AGTPBP1: variants seen among roughly 807,000 people sequenced by gnomAD.
AGTPBP1 encodes cytosolic carboxypeptidase 1.
A neutral mutation model predicts 143.9 loss-of-function variants in AGTPBP1; 70 were observed. The observed-to-expected ratio is 0.49, with a 90% CI of 0.40 to 0.59. The LOEUF is 0.59. Ranked by LOEUF, AGTPBP1 falls within the 20% of genes least tolerant of loss-of-function variation. The probability of loss-of-function intolerance (pLI) is 0.00; values close to 1 mark genes in which losing one functional copy is unlikely to be tolerated. For synonymous variants in AGTPBP1, 463 were observed against 500.2 expected (o/e 0.93, Z 0.99); for missense variants, 1,229 against 1,464.5 (o/e 0.84, Z 2.62).
chr9:85,618,923 T>C, intron 17 of AGTPBP1, 60 bp downstream of exon 17: 1 of 1,493,262 alleles, frequency 6.7e-7, no homozygotes, highest in Non-Finnish European at 8.9e-7. Context: ...TTAAAAAAAC[T>C]TCTTTTCCAC....
intron 25 of AGTPBP1, among the ~76,000 whole-genome samples, chr9:85,567,880 G>A (rs1178522619): frequency 6.6e-6 from 1 of 152,188 alleles, no homozygotes; most frequent in Non-Finnish European, 1.5e-5. Flanking sequence ...AAGAGAAAGT[G>A]GTTGAGAACT....
At chr9:85,726,582 C>T (rs540740948) in intron 1 of AGTPBP1, among the ~76,000 whole-genome samples, 7 of 152,334 alleles carry the variant, frequency 4.6e-5, no homozygotes, top group South Asian at 4.1e-4. Context: ...AAACAAGTCC[C>T]TCTTTACAAT....
At chr9:85,758,501 C>G in the AGTPBP1 span, among the ~76,000 whole-genome samples, 1 of 151,948 alleles carries the variant, frequency 6.6e-6, no homozygotes, top group Admixed American at 6.6e-5. Context: ...AAAAATTAGC[C>G]AGGCGTGGTT....
chr9:85,728,271 G>GT (rs1486798797), intron 1 of AGTPBP1, among the ~76,000 whole-genome samples: 1 of 152,054 alleles, frequency 6.6e-6, no homozygotes, highest in Admixed American at 6.5e-5. Flanking sequence ...TCAAATAAAT[G>GT]TAAGACTGAG....
At chr9:85,717,595 C>A (rs114403008) in intron 1 of AGTPBP1, among the ~76,000 whole-genome samples, 4,821 of 152,096 alleles carry the variant, frequency 0.032, 100 homozygotes, top group African/African-American at 0.052. Context: ...AGCTAACCCC[C>A]AAGTGACAAT....
At chr9:85,674,501 G>T (rs942079314) in intron 6 of AGTPBP1, among the ~76,000 whole-genome samples, 33 of 151,404 alleles carry the variant, frequency 2.2e-4, no homozygotes, top group South Asian at 1.7e-3. Context: ...TAAATAAGGG[G>T]TTTTTTTTAA....
At chr9:85,747,974 G>A in the AGTPBP1 span, among the ~76,000 whole-genome samples, 1 of 151,166 alleles carries the variant, frequency 6.6e-6, no homozygotes, top group South Asian at 2.1e-4. Flanking sequence ...AAATATCTTA[G>A]TTTTTTTCAT....
At chr9:85,761,248 T>G in the AGTPBP1 span, among the ~76,000 whole-genome samples, 1 of 152,212 alleles carries the variant, frequency 6.6e-6, no homozygotes, top group Non-Finnish European at 1.5e-5. Flanking sequence ...ACCAATGACT[T>G]TCTTCACAGA....
chr9:85,799,491 G>A, the AGTPBP1 span, among the ~76,000 whole-genome samples: 1 of 152,066 alleles, frequency 6.6e-6, no homozygotes, highest in African/African-American at 2.4e-5. Flanking sequence ...GTGCAACACA[G>A]AGATACCCCA....
intron 3 of AGTPBP1, among the ~76,000 whole-genome samples, chr9:85,687,867 A>G (rs1835583362): frequency 6.6e-6 from 1 of 152,012 alleles, no homozygotes; most frequent in African/African-American, 2.4e-5. Context: ...AGGTAAGTGG[A>G]TCACCTGAGG....
chr9:85,620,087 C>T (rs1003723921), intron 15 of AGTPBP1, among the ~76,000 whole-genome samples: 3 of 151,966 alleles, frequency 2.0e-5, no homozygotes, highest in Non-Finnish European at 4.4e-5. Flanking sequence ...ACAGCTTATA[C>T]TCTTATCTAA....
At chr9:85,690,482 G>C (rs769779798) in intron 3 of AGTPBP1, among the ~76,000 whole-genome samples, 16 of 152,046 alleles carry the variant, frequency 1.1e-4, no homozygotes, top group Admixed American at 2.6e-4. Context: ...TTTCAGTGGT[G>C]AGGAGTATTT....
At chr9:85,636,259 C>CTTTTTT (rs35445993) in intron 13 of AGTPBP1, among the ~76,000 whole-genome samples, 9 of 118,542 alleles carry the variant, frequency 7.6e-5, no homozygotes, top group African/African-American at 1.2e-4. Context: ...TGTAAGGTTT[C>CTTTTTT]TTTTTTTTTT....
At chr9:85,655,759 C>T (rs1833463862) in intron 10 of AGTPBP1, among the ~76,000 whole-genome samples, 1 of 151,326 alleles carries the variant, frequency 6.6e-6, no homozygotes, top group South Asian at 2.1e-4. Context: ...TGCAATAATA[C>T]CTCTCATAAG....
intron 1 of AGTPBP1, among the ~76,000 whole-genome samples, chr9:85,728,316 T>C (rs556569419): frequency 1.3e-5 from 2 of 152,266 alleles, no homozygotes; most frequent in South Asian, 2.1e-4. Context: ...GTGCTCAGGC[T>C]GAGAACTTAA....
intron 6 of AGTPBP1, among the ~76,000 whole-genome samples, chr9:85,673,763 A>G (rs1834641609): frequency 6.6e-6 from 1 of 152,120 alleles, no homozygotes; most frequent in Admixed American, 6.5e-5. Flanking sequence ...ACTATACAAT[A>G]CTACATGTAA....
chr9:85,766,957 C>T, the AGTPBP1 span, among the ~76,000 whole-genome samples: 17 of 150,346 alleles, frequency 1.1e-4, 1 homozygote, highest in Middle Eastern at 0.024. Context: ...GATTTTAGAT[C>T]GTTACACTAA....
chr9:85,628,897 AGTAGAGACAGG>A (rs369849304), intron 14 of AGTPBP1, among the ~76,000 whole-genome samples: 7 of 152,056 alleles, frequency 4.6e-5, no homozygotes, highest in African/African-American at 1.7e-4. Flanking sequence ...TTGTATTTTT[AGTAGAGACAGG>A]GTTTTACTGT....
At chr9:85,723,839 C>A (rs1300214665) in intron 1 of AGTPBP1, among the ~76,000 whole-genome samples, 2 of 152,164 alleles carry the variant, frequency 1.3e-5, no homozygotes, top group Admixed American at 1.3e-4. Flanking sequence ...GGTTGACTGT[C>A]CTTCTAAAAG....
Sources: gnomAD v4.1 joint callset for allele counts (sites outside exome capture counted in the v4.1 genomes callset) on GRCh38, gnomAD v4.1.1 for gene constraint, MANE v1.5 for transcripts, NCBI Gene and HGNC (gene_info 2026-07-23, HGNC 2026-07-21) for gene names.